GABPB1: variants seen among roughly 807,000 people sequenced by gnomAD.
GABPB1 encodes GA-binding protein subunit beta-1.
A neutral mutation model predicts 45.9 loss-of-function variants in GABPB1; 15 were observed. That is an observed-to-expected ratio of 0.33 (90% CI 0.22 to 0.50). GABPB1 has a LOEUF of 0.50. GABPB1 is among the 20% of genes least tolerant of loss of function. The pLI, the probability that GABPB1 is intolerant of heterozygous loss-of-function variation, is 0.98. For synonymous variants in GABPB1, 143 were observed against 154.4 expected, an observed-to-expected ratio of 0.93 and a Z score of 0.55; for missense variants, 252 against 457.5, an observed-to-expected ratio of 0.55 and a Z score of 4.10.
intron 1 of GABPB1, chr15:50,349,198 A>G (rs1198872784): frequency 6.6e-6 from 1 of 151,970 alleles, no homozygotes; most frequent in Non-Finnish European, 1.5e-5. Flanking sequence ...TTGCAGAAAC[A>G]GTAACACTTT....
Position 50,275,393 on chromosome 15 carries a change from T to G in GABPB1, c.*3239A>C, listed in dbSNP as rs893894052. On this transcript the variant is annotated 3_prime_UTR_variant, in exon 9 of 9. Coordinates refer to ENST00000380877, the MANE Select transcript of GABPB1 (RefSeq NM_016654.5). ...GTCACGTTTTGGACAAAGATATTTG[T>G]AAGCAGATCTTTTTATTACAAACAA... The G allele has an allele frequency of 6.6e-5, 10 of 152,236 alleles. No homozygotes were observed. The highest frequency in any genetic ancestry group is 2.4e-4 in the African/African-American group (10 of 41,458). 9.4% of individuals were successfully genotyped at this position (152,236 alleles called of 1,614,324 possible).
chr15:50,318,553 G>C, intron 1 of GABPB1, among the ~76,000 whole-genome samples: 1 of 151,998 alleles, frequency 6.6e-6, no homozygotes, highest in East Asian at 1.9e-4. Flanking sequence ...GAATAATCAA[G>C]GGCTTCAGGA....
intron 6 of GABPB1, among the ~76,000 whole-genome samples, chr15:50,300,429 G>C (rs1301418332): frequency 1.4e-5 from 1 of 72,176 alleles, no homozygotes; most frequent in Non-Finnish European, 2.7e-5. Flanking sequence ...ATCTGCAACT[G>C]TTTTTGGTTT....
intron 1 of GABPB1, chr15:50,350,287 G>C (rs1567556366): frequency 6.7e-6 from 1 of 150,098 alleles, no homozygotes; most frequent in African/African-American, 2.5e-5. Flanking sequence ...AGCAGAAATA[G>C]TACTACCCAC....
At chr15:50,351,470 G>GGAGGCT (rs1199758483) in intron 1 of GABPB1, 3 of 152,274 alleles carry the variant, frequency 2.0e-5, no homozygotes, top group African/African-American at 4.8e-5. Flanking sequence ...CAACTACTCA[G>GGAGGCT]GAGGCTGAGG....
At chr15:50,307,766 T>C (rs2046997733) in intron 2 of GABPB1, among the ~76,000 whole-genome samples, 1 of 151,998 alleles carries the variant, frequency 6.6e-6, no homozygotes, top group Non-Finnish European at 1.5e-5. Flanking sequence ...TATCTAGATA[T>C]AGATTAGTTT....
chr15:50,355,060 C>A lies in GABPB1; in HGVS notation c.-76G>T, dbSNP rs1030391311. ...GGACCCGAGGCGCCTCGTACCCGGC[C>A]GGGCTGACGCGGCCCCGCTACACAC... On this transcript the variant is annotated 5_prime_UTR_variant, in exon 1 of 9. Transcript: ENST00000380877. The A allele has an allele frequency of 1.9e-5, 3 of 154,616 alleles. No homozygotes were observed. The highest frequency in any genetic ancestry group is 4.8e-5 in the African/African-American group (2 of 41,452). The allele number at this position is 154,616 out of a possible 1,614,324, so 9.6% of individuals were successfully genotyped here.
At chr15:50,279,265 T>C (rs1219445507) in intron 8 of GABPB1, among the ~76,000 whole-genome samples, 1 of 152,138 alleles carries the variant, frequency 6.6e-6, no homozygotes, top group Non-Finnish European at 1.5e-5. Flanking sequence ...AAGTTAAAGA[T>C]GAGAAAAATG....
chr15:50,305,315 T>C (rs960786973), intron 2 of GABPB1, among the ~76,000 whole-genome samples: 7 of 142,594 alleles, frequency 4.9e-5, no homozygotes, highest in African/African-American at 1.7e-4. Context: ...GAGATAGATA[T>C]ATTTTTTGTT....
At chr15:50,302,369 G>A (rs180843875) in intron 4 of GABPB1, among the ~76,000 whole-genome samples, 17 of 152,170 alleles carry the variant, frequency 1.1e-4, no homozygotes, top group African/African-American at 3.4e-4. Context: ...AGGGCCAGGC[G>A]CAGTGGCTCA....
chr15:50,345,640 G>C (rs1228586758), intron 1 of GABPB1, among the ~76,000 whole-genome samples: 1 of 152,180 alleles, frequency 6.6e-6, no homozygotes, highest in Non-Finnish European at 1.5e-5. Flanking sequence ...GCAGCAGATA[G>C]CTAGAAAGAA....
At chr15:50,297,631 T>C (rs2046568644) in intron 6 of GABPB1, among the ~76,000 whole-genome samples, 2 of 152,202 alleles carry the variant, frequency 1.3e-5, no homozygotes. Context: ...GATCAGAAGT[T>C]CGAGGCCAGC....
chr15:50,291,938 C>A (rs188806415), intron 6 of GABPB1, among the ~76,000 whole-genome samples: 17 of 135,974 alleles, frequency 1.3e-4, no homozygotes, highest in African/African-American at 4.4e-4. Context: ...AAAAAAAATT[C>A]TATCTATAAT....
chr15:50,323,477 A>G (rs927277507), intron 1 of GABPB1, among the ~76,000 whole-genome samples: 1 of 152,184 alleles, frequency 6.6e-6, no homozygotes, highest in Non-Finnish European at 1.5e-5. Flanking sequence ...GAGGACCCAG[A>G]GTGAGGCAGG....
intron 2 of GABPB1, among the ~76,000 whole-genome samples, chr15:50,306,581 C>T (rs1442144801): frequency 6.7e-6 from 1 of 148,452 alleles, no homozygotes; most frequent in Non-Finnish European, 1.5e-5. Flanking sequence ...GAGCCAAGAT[C>T]ATGCCACTGC....
rs1192641320 is a variant in GABPB1 at position 50,278,783 on chromosome 15, T to C, written c.1001A>G (p.Glu334Gly). The C allele has an allele frequency of 6.3e-7, 1 of 1,580,348 alleles. No homozygotes were observed. Among genetic ancestry groups the C allele is most frequent in the Non-Finnish European group, 8.5e-7 (1 of 1,170,870 alleles). The change falls in exon 9 of 9, where the codon GAG becomes GGG. Residue 334 changes from glutamate to glycine, a missense_variant and splice_region_variant. Glu to Gly is a moderately conservative substitution (Grantham distance 98). Transcript: ENST00000380877. ...CAGCTGTTTCTGAAGAGCTTCTCTC[T>C]CCTAATTAAAAGAAGAGGGTTTTTT... ...ENRVESAEIE[E>G]REALQKQLDE...
At chr15:50,295,133 A>G (rs2046469125) in intron 6 of GABPB1, among the ~76,000 whole-genome samples, 1 of 152,160 alleles carries the variant, frequency 6.6e-6, no homozygotes, top group African/African-American at 2.4e-5. Context: ...ATCCCAAATA[A>G]CCCTCGAATC....
intron 1 of GABPB1, among the ~76,000 whole-genome samples, chr15:50,318,200 C>T (rs1313173144): frequency 6.6e-6 from 1 of 152,142 alleles, no homozygotes; most frequent in Non-Finnish European, 1.5e-5. Context: ...TACCAAAGAA[C>T]ACTAGTTTTG....
intron 8 of GABPB1, chr15:50,285,828 T>A: frequency 2.3e-6 from 3 of 1,290,398 alleles, no homozygotes; most frequent in Non-Finnish European, 2.9e-6. Context: ...CCAAAGACAT[T>A]CCAGTGTTAT....
Sources: allele counts gnomAD v4.1 joint callset (sites outside exome capture counted in the v4.1 genomes callset), GRCh38; gene constraint gnomAD v4.1.1; transcripts MANE v1.5; gene names NCBI Gene and HGNC (gene_info 2026-07-23, HGNC 2026-07-21).